Variants in ARHGEF28 observed in about 807,000 individuals in gnomAD.
The protein encoded by ARHGEF28 is Rho guanine nucleotide exchange factor 28.
Under a neutral mutation model 206.6 loss-of-function variants are expected in ARHGEF28, and 152 were observed. That is an observed-to-expected ratio of 0.74 (90% CI 0.64 to 0.84). The LOEUF is 0.84. Among genes scored for constraint, ARHGEF28 ranks in the 40% least tolerant of loss-of-function variants. The pLI, the probability that ARHGEF28 is intolerant of heterozygous loss-of-function variation, is 0.00. For synonymous variants in ARHGEF28, 763 were observed against 776.4 expected, an observed-to-expected ratio of 0.98 and a Z score of 0.29; for missense variants, 2,028 against 2,073.2, an observed-to-expected ratio of 0.98 and a Z score of 0.42.
chr5:73,765,453 A>C (rs1034702619), intron 4 of ARHGEF28, among the ~76,000 whole-genome samples: 2 of 152,246 alleles, frequency 1.3e-5, no homozygotes, highest in Non-Finnish European at 2.9e-5. Context: ...AAGAGTAATC[A>C]GTCAATACTC....
chr5:73,745,988 G>A (rs1751697919), intron 2 of ARHGEF28, among the ~76,000 whole-genome samples: 1 of 152,034 alleles, frequency 6.6e-6, no homozygotes, highest in Non-Finnish European at 1.5e-5. Context: ...AATGGAAAAA[G>A]GTGAATTAAA....
At chr5:73,939,029 T>C (rs1171184775) in intron 35 of ARHGEF28, among the ~76,000 whole-genome samples, 1 of 151,448 alleles carries the variant, frequency 6.6e-6, no homozygotes, top group Admixed American at 6.6e-5. Context: ...ACATTGAGGA[T>C]CTCTTAATTC....
In ARHGEF28 at chr5:73,670,102, G is replaced by C. The variant is rs1746216180; in HGVS notation, c.-11-14739G>C. 2.0e-5 allele frequency among the ~76,000 whole-genome samples: 3 copies of C among 152,316 alleles called. No individual in the cohort carries two copies. The South Asian group carries it at 6.2e-4, about 32-fold the overall frequency. ...ATACTGAACAGTTCCAAAACCACAA[G>C]GATCCCTCCTGTTACCCTTTTATAG... is the stretch of plus-strand genomic sequence containing the variant. On this transcript the variant is annotated intron_variant, in intron 1 of 35. Coordinates refer to ENST00000513042, the MANE Select transcript of ARHGEF28 (RefSeq NM_001177693.2).
At chr5:73,934,344 C>T (rs192264143) in intron 35 of ARHGEF28, among the ~76,000 whole-genome samples, 86 of 152,124 alleles carry the variant, frequency 5.7e-4, no homozygotes, top group Non-Finnish European at 1.0e-3. Flanking sequence ...CATCTCATCA[C>T]GTGGCACACA....
At chr5:73,706,633 TAAAAG>T (rs1748953285) in intron 2 of ARHGEF28, among the ~76,000 whole-genome samples, 1 of 152,294 alleles carries the variant, frequency 6.6e-6, no homozygotes, top group East Asian at 1.9e-4. Flanking sequence ...GAAGCTTACA[TAAAAG>T]AAAATGATAC....
At chr5:73,885,746 T>A in intron 24 of ARHGEF28, 104 bp from the exon 25 acceptor site, 1 of 1,196,658 alleles carries the variant, frequency 8.4e-7, no homozygotes, top group Non-Finnish European at 1.1e-6. Context: ...ATTGTTTAGA[T>A]GATACATTTA....
Position 73,877,049 on chromosome 5 carries a change from C to T in ARHGEF28, c.2814+3803C>T, listed in dbSNP as rs1207041798. Among the ~76,000 whole-genome samples, 21 of 132,228 alleles carry T rather than the reference C, an allele frequency of 1.6e-4. 1 individual carries two copies. In the East Asian group the frequency reaches 4.3e-3, roughly 27 times the overall value. The allele number at this position is 132,228 out of a possible 152,430, so 86.7% of individuals were successfully genotyped here. A position where few individuals can be genotyped will look rare whatever the true frequency, so the allele number is the denominator to read the frequency against. On this transcript the variant is annotated intron_variant, in intron 22 of 35. Coordinates refer to ENST00000513042, the MANE Select transcript of ARHGEF28 (RefSeq NM_001177693.2). ...GAATTTGGCTGTGAATCCATCTGGTCCTGGACTCTTTTTGGTTGGTAAGCT... is the reference window on the plus strand; with the variant it reads ...GAATTTGGCTGTGAATCCATCTGGTTCTGGACTCTTTTTGGTTGGTAAGCT...
chr5:73,684,934 C>G (rs1334881822), intron 2 of ARHGEF28, 50 bp downstream of exon 2: 3 of 1,586,136 alleles, frequency 1.9e-6, no homozygotes, highest in African/African-American at 2.7e-5. Flanking sequence ...TTTCTTAACT[C>G]CAAACCATGT....
intron 2 of ARHGEF28, among the ~76,000 whole-genome samples, chr5:73,724,255 A>G (rs1422330666): frequency 6.6e-6 from 1 of 152,222 alleles, no homozygotes; most frequent in Non-Finnish European, 1.5e-5. Flanking sequence ...TTCTGTGCCT[A>G]CTAGGTAATA....
At chr5:73,848,558 C>T (rs1289204578) in intron 12 of ARHGEF28, among the ~76,000 whole-genome samples, 3 of 152,052 alleles carry the variant, frequency 2.0e-5, no homozygotes, top group African/African-American at 4.8e-5. Context: ...TTCCACTATC[C>T]TCTAGTAATC....
chr5:73,717,401 T>C (rs768489153), intron 2 of ARHGEF28, among the ~76,000 whole-genome samples: 20 of 152,222 alleles, frequency 1.3e-4, no homozygotes, highest in Non-Finnish European at 2.5e-4. Context: ...TAACCTTGTC[T>C]TCTTCACATT....
intron 12 of ARHGEF28, among the ~76,000 whole-genome samples, chr5:73,848,055 T>C (rs1345420855): frequency 6.6e-6 from 1 of 152,212 alleles, no homozygotes; most frequent in African/African-American, 2.4e-5. Flanking sequence ...TTTCTGATGG[T>C]TTAATTTTAG....
chr5:73,809,608 C>A (rs568717026), intron 9 of ARHGEF28, among the ~76,000 whole-genome samples: 2 of 152,268 alleles, frequency 1.3e-5, no homozygotes, highest in South Asian at 2.1e-4. Context: ...TAATTCAGAT[C>A]AAAATGTAAA....
At chr5:73,836,301 A>G (rs772756836) in intron 10 of ARHGEF28, among the ~76,000 whole-genome samples, 8 of 119,992 alleles carry the variant, frequency 6.7e-5, no homozygotes, top group Non-Finnish European at 1.0e-4. Context: ...CATCCTTGTC[A>G]GCTTTTTTTT....
rs1221516858 is a variant in ARHGEF28 at position 73,909,880 on chromosome 5, C to T, written c.4630C>T (p.Leu1544Phe). The T allele has an allele frequency of 6.6e-7, 1 of 1,514,586 alleles. No individual in the cohort carries two copies. The highest frequency in any genetic ancestry group is 2.3e-5 in the East Asian group (1 of 44,034). The allele number at this position is 1,514,586 out of a possible 1,614,324, so 93.8% of individuals were successfully genotyped here. ...GRQRSLPAVLLPGGPEVMELN... is the reference protein window; with the variant it reads ...GRQRSLPAVLFPGGPEVMELN... ...GCAGAGGAGCCTGCCCGCGGTGCTCCTTCCGGGTGGCCCCGAGGTATGGAC... is the reference window on the plus strand; with the variant it reads ...GCAGAGGAGCCTGCCCGCGGTGCTCTTTCCGGGTGGCCCCGAGGTATGGAC... Residue 1544 changes from leucine (L) to phenylalanine (F), a missense_variant, in exon 34 of 36, where the codon CTT becomes TTT. Physicochemically the swap from Leu to Phe is conservative, Grantham distance 22 (BLOSUM62 0). This residue lies in a region of ARHGEF28 where 803 missense variants were observed against 768.0 expected (regional missense o/e 1.05). Transcript: ENST00000513042.
intron 9 of ARHGEF28, among the ~76,000 whole-genome samples, chr5:73,828,503 T>C (rs1161445632): frequency 6.6e-6 from 1 of 152,002 alleles, no homozygotes; most frequent in Non-Finnish European, 1.5e-5. Context: ...CACACCTATG[T>C]CCTTCACAAG....
intron 7 of ARHGEF28, among the ~76,000 whole-genome samples, chr5:73,785,021 G>A (rs1580614233): frequency 1.3e-5 from 2 of 152,136 alleles, no homozygotes; most frequent in South Asian, 4.1e-4. Context: ...CTGGTGGGAA[G>A]GAGTGAGATA....
chr5:73,802,807 A>G (rs1057205444), intron 9 of ARHGEF28, among the ~76,000 whole-genome samples: 1 of 151,174 alleles, frequency 6.6e-6, no homozygotes, highest in African/African-American at 2.4e-5. Flanking sequence ...ACCCATGTAT[A>G]TAGGCATTTA....
Position 73,810,781 on chromosome 5 carries a change from G to C in ARHGEF28, c.1024+15390G>C, listed in dbSNP as rs553405899. Among the ~76,000 whole-genome samples the C allele has an allele frequency of 2.3e-4, 35 of 152,226 alleles. No individual in the cohort carries two copies. In the South Asian group the frequency reaches 6.6e-3, roughly 29 times the overall value. On this transcript the variant is annotated intron_variant, in intron 9 of 35. Transcript: ENST00000513042. Reference sequence around the variant, plus strand: ...GATGCCTCTGAGAAATTCTGCCCCCGATTCTGCTTTCTCTACATTTGTAGT... The same window carrying C: ...GATGCCTCTGAGAAATTCTGCCCCCCATTCTGCTTTCTCTACATTTGTAGT...
Sources: allele counts gnomAD v4.1 joint callset (sites outside exome capture counted in the v4.1 genomes callset), GRCh38; gene constraint gnomAD v4.1.1; regional missense constraint gnomAD v4.1.1; transcripts MANE v1.5; gene names NCBI Gene and HGNC (gene_info 2026-07-23, HGNC 2026-07-21).